The following GMDS variants were observed in gnomAD, a reference collection of about 807,000 sequenced individuals.
GMDS encodes the protein GDP-mannose 4,6 dehydratase.
A neutral mutation model predicts 49.9 loss-of-function variants in GMDS; 20 were observed. The observed-to-expected ratio is 0.40, with a 90% confidence interval of 0.28 to 0.58. The LOEUF is 0.58. Ranked by LOEUF, GMDS falls within the 20% of genes least tolerant of loss-of-function variation. The pLI is 0.42. For missense variants in GMDS, 362 were observed against 481.4 expected (o/e 0.75, Z 2.32); for synonymous variants, 177 against 178.6 (o/e 0.99, Z 0.07).
chr6:1,921,952 C>T (rs781021403), intron 7 of GMDS, among the ~76,000 whole-genome samples: 9 of 152,226 alleles, frequency 5.9e-5, no homozygotes, highest in Middle Eastern at 3.4e-3. Context: ...AATAAAAAAT[C>T]GATGAGTATT....
At chr6:2,017,532 C>G (rs1010729877) in intron 4 of GMDS, among the ~76,000 whole-genome samples, 4 of 152,158 alleles carry the variant, frequency 2.6e-5, no homozygotes, top group African/African-American at 9.7e-5. Flanking sequence ...TGGTCTCGTA[C>G]TCCCTACCTC....
At chr6:1,737,700 A>G (rs1180285468) in intron 8 of GMDS, among the ~76,000 whole-genome samples, 1 of 149,950 alleles carries the variant, frequency 6.7e-6, no homozygotes, top group African/African-American at 2.5e-5. Flanking sequence ...ATACACACAC[A>G]CGCACACACC....
At chr6:1,823,000 G>A (rs1260370018) in intron 7 of GMDS, among the ~76,000 whole-genome samples, 2 of 152,104 alleles carry the variant, frequency 1.3e-5, no homozygotes, top group South Asian at 2.1e-4. Context: ...ATAAATTTGG[G>A]TCATTTATAC....
chr6:1,806,471 C>CAG (rs1770182714), intron 7 of GMDS, among the ~76,000 whole-genome samples: 1 of 151,508 alleles, frequency 6.6e-6, no homozygotes, highest in Non-Finnish European at 1.5e-5. Context: ...CACACACACA[C>CAG]AGGCACGCAC....
intron 1 of GMDS, among the ~76,000 whole-genome samples, chr6:2,208,370 C>A (rs1358144333): frequency 1.4e-4 from 22 of 152,230 alleles, no homozygotes. Flanking sequence ...TTCCGTTTTA[C>A]AGATGACACA....
chr6:2,225,141 G>A (rs552408803), intron 1 of GMDS, among the ~76,000 whole-genome samples: 1 of 149,438 alleles, frequency 6.7e-6, no homozygotes, highest in Admixed American at 6.7e-5. Context: ...GCAACATGGT[G>A]AAACCTCGTT....
At chr6:1,656,634 T>G (rs1159716339) in intron 9 of GMDS, among the ~76,000 whole-genome samples, 2 of 151,796 alleles carry the variant, frequency 1.3e-5, no homozygotes, top group Non-Finnish European at 2.9e-5. Flanking sequence ...TGTGGTGGTG[T>G]GTGCCTGTAA....
intron 1 of GMDS, among the ~76,000 whole-genome samples, chr6:2,171,660 C>T (rs1370565442): frequency 6.6e-6 from 1 of 151,928 alleles, no homozygotes; most frequent in African/African-American, 2.4e-5. Context: ...GCACAGGGAA[C>T]AAAAAATGAG....
chr6:1,886,595 CCTTA>C (rs1434857077), intron 7 of GMDS, among the ~76,000 whole-genome samples: 59 of 152,166 alleles, frequency 3.9e-4, no homozygotes, highest in African/African-American at 1.4e-3. Flanking sequence ...ACAATGACCA[CCTTA>C]CTTATTTAAT....
chr6:1,631,015 G>C (rs1234885788), intron 9 of GMDS, among the ~76,000 whole-genome samples: 1 of 152,176 alleles, frequency 6.6e-6, no homozygotes, highest in African/African-American at 2.4e-5. Flanking sequence ...GTTAATAACT[G>C]GATCTAGGGT....
chr6:1,775,744 C>A (rs1173392482), intron 7 of GMDS, among the ~76,000 whole-genome samples: 3 of 152,160 alleles, frequency 2.0e-5, no homozygotes, highest in Non-Finnish European at 4.4e-5. Context: ...CTAGAAACTT[C>A]TGTGGCTTGG....
chr6:1,827,136 T>G (rs1051569078), intron 7 of GMDS, among the ~76,000 whole-genome samples: 4 of 141,150 alleles, frequency 2.8e-5, no homozygotes, highest in African/African-American at 1.0e-4. Flanking sequence ...GTATCCAGGA[T>G]ATATATATAT....
At chr6:2,108,083 T>G (rs764507098) in intron 4 of GMDS, among the ~76,000 whole-genome samples, 55 of 152,190 alleles carry the variant, frequency 3.6e-4, no homozygotes, top group Non-Finnish European at 1.5e-4. Flanking sequence ...ATAAGTTATC[T>G]TCAGAGACCC....
At chr6:1,839,160 A>G (rs1035594164) in intron 7 of GMDS, among the ~76,000 whole-genome samples, 8 of 152,210 alleles carry the variant, frequency 5.3e-5, no homozygotes, top group African/African-American at 1.9e-4. Context: ...AGAAAAAAAA[A>G]AAGTGAGCAT....
chr6:1,918,066 T>C (rs1761493723), intron 7 of GMDS, among the ~76,000 whole-genome samples: 1 of 152,192 alleles, frequency 6.6e-6, no homozygotes, highest in Non-Finnish European at 1.5e-5. Context: ...TATTTAAAAA[T>C]AAAGTCCTAT....
At chr6:2,113,261 C>A (rs141716797) in intron 4 of GMDS, among the ~76,000 whole-genome samples, 22 of 152,166 alleles carry the variant, frequency 1.4e-4, no homozygotes, top group African/African-American at 5.3e-4. Flanking sequence ...GAAATCAGCC[C>A]CACCTGGCAT....
At chr6:2,062,150 AG>A (rs1232389315) in intron 4 of GMDS, among the ~76,000 whole-genome samples, 4 of 152,164 alleles carry the variant, frequency 2.6e-5, no homozygotes, top group African/African-American at 4.8e-5. Flanking sequence ...GCAGGTCCTG[AG>A]GCAATTTTCC....
chr6:2,203,492 C>T (rs991246879), intron 1 of GMDS, among the ~76,000 whole-genome samples: 2 of 148,590 alleles, frequency 1.3e-5, no homozygotes, highest in African/African-American at 4.9e-5. Context: ...TATTCTTAGA[C>T]AAAATGCCAA....
intron 4 of GMDS, among the ~76,000 whole-genome samples, chr6:1,972,744 T>G (rs540362068): frequency 6.9e-4 from 105 of 152,332 alleles, no homozygotes; most frequent in Admixed American, 9.8e-4. Flanking sequence ...AACACGACTA[T>G]ACAGTCGCCG....
Sources: gnomAD v4.1 joint callset for allele counts (sites outside exome capture counted in the v4.1 genomes callset) on GRCh38, gnomAD v4.1.1 for gene constraint, MANE v1.5 for transcripts, NCBI Gene and HGNC (gene_info 2026-07-23, HGNC 2026-07-21) for gene names.